FER: variants seen among roughly 807,000 people sequenced by gnomAD.
The protein encoded by FER is FER tyrosine kinase, also known as tyrosine-protein kinase Fer.
FER carries 63 observed loss-of-function variants against 111.0 expected under a neutral mutation model. The observed-to-expected ratio is 0.57, with a 90% CI of 0.46 to 0.70. FER has a LOEUF of 0.70. Among genes scored for constraint, FER ranks in the 30% least tolerant of loss-of-function variants. The pLI is 0.00. For synonymous variants in FER, 327 were observed against 313.9 expected, an observed-to-expected ratio of 1.04 and a Z score of -0.44; for missense variants, 914 against 954.0, an observed-to-expected ratio of 0.96 and a Z score of 0.55.
At chr5:108,881,430 A>G (rs2150280720) in intron 8 of FER, among the ~76,000 whole-genome samples, 1 of 152,272 alleles carries the variant, frequency 6.6e-6, no homozygotes, top group East Asian at 1.9e-4. Flanking sequence ...AGCGTGAGAA[A>G]GACCTGCCCC....
chr5:109,139,097 G>T (rs1016105205), intron 17 of FER, among the ~76,000 whole-genome samples: 4 of 152,186 alleles, frequency 2.6e-5, no homozygotes, highest in Non-Finnish European at 5.9e-5. Flanking sequence ...AGCCAGAACA[G>T]TCTAGTTGAA....
chr5:108,749,644 C>T (rs1257594558), intron 1 of FER, among the ~76,000 whole-genome samples: 1 of 152,192 alleles, frequency 6.6e-6, no homozygotes, highest in African/African-American at 2.4e-5. Context: ...CATCTTTCTC[C>T]TCCGGTCTTG....
At chr5:108,991,874 TTA>T (rs1491342601) in intron 13 of FER, among the ~76,000 whole-genome samples, 28 of 149,248 alleles carry the variant, frequency 1.9e-4, no homozygotes, top group African/African-American at 6.7e-4. Context: ...TTTTTTTTTT[TTA>T]AATTAATTAA....
chr5:108,885,258 T>G (rs1342138049), intron 9 of FER, among the ~76,000 whole-genome samples: 1 of 151,942 alleles, frequency 6.6e-6, no homozygotes, highest in Non-Finnish European at 1.5e-5. Flanking sequence ...GAATTAAAAA[T>G]CTCCATACAA....
intron 10 of FER, chr5:108,924,508 A>G (rs1753476806): frequency 2.3e-6 from 2 of 852,650 alleles, no homozygotes; most frequent in African/African-American, 1.7e-5. Flanking sequence ...AGAACTGACT[A>G]GTATACTTCC....
intron 17 of FER, among the ~76,000 whole-genome samples, chr5:109,151,076 G>A (rs1436013244): frequency 6.6e-6 from 1 of 152,046 alleles, no homozygotes; most frequent in East Asian, 1.9e-4. Context: ...GTCTAAAATG[G>A]CTTTGCTGAA....
At chr5:108,981,366 G>A (rs574947919) in intron 13 of FER, among the ~76,000 whole-genome samples, 14 of 151,660 alleles carry the variant, frequency 9.2e-5, no homozygotes, top group African/African-American at 3.4e-4. Flanking sequence ...AAACTGGAGA[G>A]AAGAGAAAAA....
chr5:108,928,349 T>G (rs1754078003), intron 10 of FER, among the ~76,000 whole-genome samples: 1 of 152,206 alleles, frequency 6.6e-6, no homozygotes, highest in Non-Finnish European at 1.5e-5. Flanking sequence ...CTTAGGAAGT[T>G]TTTACTGCTG....
At chr5:109,178,577 T>C (rs894125166) in intron 17 of FER, among the ~76,000 whole-genome samples, 3 of 152,232 alleles carry the variant, frequency 2.0e-5, no homozygotes, top group African/African-American at 7.2e-5. Flanking sequence ...AGGTGCATAC[T>C]ATATTGCCAT....
At chr5:108,899,107 C>T (rs1025763231) in intron 10 of FER, among the ~76,000 whole-genome samples, 2 of 150,190 alleles carry the variant, frequency 1.3e-5, no homozygotes, top group African/African-American at 4.9e-5. Context: ...AAAAAAAGAC[C>T]GTATCTGAGA....
At chr5:108,900,790 T>G (rs1011553420) in intron 10 of FER, among the ~76,000 whole-genome samples, 4 of 152,200 alleles carry the variant, frequency 2.6e-5, no homozygotes, top group Non-Finnish European at 4.4e-5. Flanking sequence ...TGATCAAATG[T>G]GTAATCAGGG....
rs376919194 is a variant in FER, at chr5:108,798,381, G to A, written c.199G>A (p.Val67Ile). ...STVQMNYVSN[V>I]SKSWLLMIQQ... is the part of the protein sequence containing the mutation. The stretch of plus-strand genomic sequence containing the variant: ...TGTCCAAATGAATTATGTCAGCAAC[G>A]TATCCAAGGTAAGAAGAATAATTTC... The change falls in exon 3 of 20, where the codon GTA (valine) becomes ATA (isoleucine). Residue 67 changes from valine to isoleucine, a missense_variant. Transcript: ENST00000281092. 3.1e-6 allele frequency: 5 copies of A among 1,608,064 alleles called. No homozygotes were observed. The highest frequency in any genetic ancestry group is 2.2e-5 in the East Asian group (1 of 44,840).
intron 5 of FER, among the ~76,000 whole-genome samples, chr5:108,863,271 C>T (rs1763712749): frequency 6.6e-6 from 1 of 152,100 alleles, no homozygotes; most frequent in Admixed American, 6.5e-5. Flanking sequence ...AGGCATGCAC[C>T]ACCACACCTG....
chr5:108,808,507 C>A (rs1284297976), intron 3 of FER, among the ~76,000 whole-genome samples: 1 of 151,842 alleles, frequency 6.6e-6, no homozygotes, highest in African/African-American at 2.4e-5. Flanking sequence ...GAATGGGTTT[C>A]TTGAAGACAG....
At chr5:108,984,526 C>G (rs531688146) in intron 13 of FER, among the ~76,000 whole-genome samples, 2 of 150,054 alleles carry the variant, frequency 1.3e-5, no homozygotes, top group East Asian at 3.9e-4. Context: ...ATTCTTATCC[C>G]AAACATGATG....
intron 17 of FER, among the ~76,000 whole-genome samples, chr5:109,113,640 A>G (rs1461650929): frequency 6.6e-6 from 1 of 152,170 alleles, no homozygotes; most frequent in African/African-American, 2.4e-5. Context: ...GAACCTCTTG[A>G]AGGGTGGAAC....
chr5:109,071,515 A>G (rs937324671), intron 16 of FER, among the ~76,000 whole-genome samples: 1 of 152,054 alleles, frequency 6.6e-6, no homozygotes, highest in Non-Finnish European at 1.5e-5. Flanking sequence ...TTATCTCTAT[A>G]TGTATCATCT....
intron 3 of FER, among the ~76,000 whole-genome samples, chr5:108,813,917 A>G (rs571107578): frequency 1.2e-4 from 18 of 152,268 alleles, no homozygotes; most frequent in African/African-American, 4.1e-4. Flanking sequence ...CCCATACTTT[A>G]GGGTGGAACA....
intron 17 of FER, among the ~76,000 whole-genome samples, chr5:109,131,349 A>G (rs1340079080): frequency 6.6e-6 from 1 of 152,152 alleles, no homozygotes; most frequent in African/African-American, 2.4e-5. Flanking sequence ...TCTTTGTTGA[A>G]TAAATTTTAC....
Sources: allele counts gnomAD v4.1 joint callset (sites outside exome capture counted in the v4.1 genomes callset), GRCh38; gene constraint gnomAD v4.1.1; transcripts MANE v1.5; gene names NCBI Gene and HGNC (gene_info 2026-07-23, HGNC 2026-07-21).